The following TMEM132D variants were observed in gnomAD, a reference collection of about 807,000 sequenced individuals.
TMEM132D encodes the protein mature OL transmembrane protein.
A neutral mutation model predicts 62.3 loss-of-function variants in TMEM132D; 21 were observed. The ratio of observed to expected loss-of-function variants is 0.34; its 90% CI spans 0.24 to 0.49. The LOEUF is 0.49. Among genes scored for constraint, TMEM132D ranks in the 20% least tolerant of loss-of-function variants. The pLI, the probability that TMEM132D is intolerant of heterozygous loss-of-function variation, is 0.99. For synonymous variants in TMEM132D, 621 were observed against 575.6 expected (o/e 1.08, Z -1.13); for missense variants, 1,346 against 1,402.8 (o/e 0.96, Z 0.65).
intron 2 of TMEM132D, among the ~76,000 whole-genome samples, chr12:129,687,611 A>T (rs1880963575): frequency 6.6e-6 from 1 of 152,020 alleles, no homozygotes; most frequent in South Asian, 2.1e-4. Flanking sequence ...TTTTTTTCCT[A>T]GCACTCTGAA....
At chr12:129,152,149 TG>T (rs372458812) in intron 5 of TMEM132D, among the ~76,000 whole-genome samples, 2 of 152,312 alleles carry the variant, frequency 1.3e-5, no homozygotes, top group African/African-American at 4.8e-5. Context: ...CCCAAAGTGC[TG>T]GGATTACAGC....
intron 2 of TMEM132D, among the ~76,000 whole-genome samples, chr12:129,692,846 G>A (rs1204299264): frequency 6.6e-6 from 1 of 152,000 alleles, no homozygotes; most frequent in Non-Finnish European, 1.5e-5. Flanking sequence ...GGGGCCTGTC[G>A]GGGGAGGGCA....
At chr12:129,318,570 T>G (rs79081024) in intron 4 of TMEM132D, among the ~76,000 whole-genome samples, 1 of 152,294 alleles carries the variant, frequency 6.6e-6, no homozygotes, top group East Asian at 1.9e-4. Flanking sequence ...ATGGATTCCA[T>G]GAGGATCTTT....
Position 129,273,685 on chromosome 12 carries a change from A to G in TMEM132D, c.1299+63949T>C, listed in dbSNP as rs1376222390. Among the ~76,000 whole-genome samples the G allele has an allele frequency of 2.6e-5, 4 of 151,934 alleles. No homozygotes were observed. In the East Asian group the frequency reaches 7.7e-4, roughly 29 times the overall value. On this transcript the variant is annotated intron_variant, in intron 4 of 8. Transcript: ENST00000422113. ...GCATGAACGAAAAACCAGTTACCAAATGTTCTCATTTATAAGCGGGAGCTA... is the reference window on the plus strand; with the variant it reads ...GCATGAACGAAAAACCAGTTACCAAGTGTTCTCATTTATAAGCGGGAGCTA...
chr12:129,480,184 A>G (rs1388394498), intron 3 of TMEM132D, among the ~76,000 whole-genome samples: 3 of 152,252 alleles, frequency 2.0e-5, no homozygotes, highest in Non-Finnish European at 2.9e-5. Context: ...AAATGCCAGA[A>G]GCCCTAGTGT....
chr12:129,140,544 T>C (rs1198996925), intron 5 of TMEM132D, among the ~76,000 whole-genome samples: 1 of 152,092 alleles, frequency 6.6e-6, no homozygotes, highest in Non-Finnish European at 1.5e-5. Context: ...CATTGCATAG[T>C]GTTTCTGAGA....
rs1431034896 is a variant in TMEM132D, at chr12:129,073,665, T to C, written c.*210A>G. The stretch of plus-strand genomic sequence containing the variant: ...AAAATCTTGCCATGCATGATAAACC[T>C]CTTAAGCAAGACACTGTACTCTGGA... On this transcript the variant is annotated 3_prime_UTR_variant, in exon 9 of 9. Coordinates refer to ENST00000422113, the MANE Select transcript of TMEM132D (RefSeq NM_133448.3). The C allele has an allele frequency of 8.9e-6, 4 of 450,908 alleles. No individual in the cohort carries two copies. Among genetic ancestry groups the C allele is most frequent in the Non-Finnish European group, 7.8e-6 (2 of 257,880 alleles). The allele number at this position is 450,908 out of a possible 1,614,324, so 27.9% of individuals were successfully genotyped here.
At chr12:129,796,445 CAT>C (rs1454642353) in intron 1 of TMEM132D, among the ~76,000 whole-genome samples, 2 of 151,984 alleles carry the variant, frequency 1.3e-5, no homozygotes, top group African/African-American at 4.8e-5. Context: ...TGTGTTTAAA[CAT>C]TTAGGTTCAG....
chr12:129,284,129 G>A (rs1295068480), intron 4 of TMEM132D, among the ~76,000 whole-genome samples: 11 of 151,392 alleles, frequency 7.3e-5, no homozygotes, highest in African/African-American at 9.7e-5. Flanking sequence ...TTAGACCATC[G>A]GGGACATTTC....
chr12:129,424,467 G>A (rs937187292), intron 3 of TMEM132D, among the ~76,000 whole-genome samples: 2 of 152,094 alleles, frequency 1.3e-5, no homozygotes, highest in South Asian at 2.1e-4. Flanking sequence ...TCGGGAGGCC[G>A]AGACGGGCAG....
intron 3 of TMEM132D, among the ~76,000 whole-genome samples, chr12:129,485,635 T>C (rs1050922455): frequency 6.6e-6 from 1 of 152,158 alleles, no homozygotes; most frequent in East Asian, 1.9e-4. Context: ...TGGCAGCTGT[T>C]TGCAGAGGGC....
intron 1 of TMEM132D, chr12:129,839,782 G>T (rs1265177929): frequency 2.0e-5 from 3 of 152,200 alleles, no homozygotes; most frequent in Admixed American, 1.3e-4. Context: ...TTCAACAGAG[G>T]CGATCCGGAT....
intron 3 of TMEM132D, among the ~76,000 whole-genome samples, chr12:129,482,657 A>C (rs1262416405): frequency 6.6e-6 from 1 of 152,224 alleles, no homozygotes; most frequent in Admixed American, 6.5e-5. Context: ...ACAGCAAAAT[A>C]GCTTTTTAAA....
chr12:129,135,831 G>C (rs936774580), intron 5 of TMEM132D, among the ~76,000 whole-genome samples: 2 of 152,092 alleles, frequency 1.3e-5, no homozygotes, highest in African/African-American at 4.8e-5. Flanking sequence ...CTCAGTCTCT[G>C]CTTTCATTTC....
chr12:129,453,109 G>C (rs774604199), intron 3 of TMEM132D, among the ~76,000 whole-genome samples: 1 of 152,330 alleles, frequency 6.6e-6, no homozygotes, highest in Admixed American at 6.5e-5. Flanking sequence ...AAGGGATCTA[G>C]GTTGTGCATT....
intron 5 of TMEM132D, among the ~76,000 whole-genome samples, chr12:129,164,539 T>A (rs1478804166): frequency 6.6e-6 from 1 of 152,146 alleles, no homozygotes; most frequent in African/African-American, 2.4e-5. Context: ...CAAGACTGGG[T>A]AATTTATAAA....
chr12:129,402,260 C>T (rs1871645795), intron 3 of TMEM132D, among the ~76,000 whole-genome samples: 1 of 152,180 alleles, frequency 6.6e-6, no homozygotes, highest in Non-Finnish European at 1.5e-5. Context: ...AGAAGCACGT[C>T]CCTGAGGTCT....
intron 4 of TMEM132D, among the ~76,000 whole-genome samples, chr12:129,335,328 G>A (rs529658109): frequency 6.6e-6 from 1 of 151,568 alleles, no homozygotes; most frequent in African/African-American, 2.4e-5. Flanking sequence ...AGTAGAGATG[G>A]GGTTTTGCCA....
intron 4 of TMEM132D, among the ~76,000 whole-genome samples, chr12:129,245,119 T>C (rs961839571): frequency 2.0e-5 from 3 of 152,212 alleles, no homozygotes; most frequent in Admixed American, 6.5e-5. Flanking sequence ...TAGTGTATAG[T>C]TCTATATACA....
Sources: gnomAD v4.1 joint callset for allele counts (sites outside exome capture counted in the v4.1 genomes callset) on GRCh38, gnomAD v4.1.1 for gene constraint, MANE v1.5 for transcripts, NCBI Gene and HGNC (gene_info 2026-07-23, HGNC 2026-07-21) for gene names.